TAL1: variants seen among roughly 807,000 people sequenced by gnomAD.
TAL1 encodes T-cell acute lymphocytic leukemia protein 1.
A neutral mutation model predicts 17.9 loss-of-function variants in TAL1; 8 were observed. The observed-to-expected ratio is 0.45, with a 90% confidence interval of 0.26 to 0.81. The LOEUF is 0.81. TAL1 is among the 30% of genes least tolerant of loss of function. The probability of loss-of-function intolerance (pLI) is 0.17; values close to 1 mark genes in which losing one functional copy is unlikely to be tolerated. For missense variants in TAL1, 466 were observed against 486.9 expected (o/e 0.96, Z 0.40); for synonymous variants, 223 against 218.6 (o/e 1.02, Z -0.18).
chr1:47,225,681 C>A, exon 2 of TAL1: 1 of 1,424,300 alleles, frequency 7.0e-7, no homozygotes. Flanking sequence ...TCTCTCGCGG[C>A]GCCGCCCCCA....
chr1:47,231,148 A>C (rs2148598018), upstream of TAL1: 1 of 173,392 alleles, frequency 5.8e-6, no homozygotes, highest in East Asian at 1.0e-4. Flanking sequence ...AGCCTGGAGG[A>C]GCCTCCCACT....
Position 47,219,894 on chromosome 1 carries a change from G to GGCGCCCCCCCCCCCCCCCCC in TAL1, c.821_822insGGGGGGGGGGGGGGGGGCGC (p.Ala275GlyfsTer177). 2.6e-6 allele frequency: 4 copies of GGCGCCCCCCCCCCCCCCCCC among 1,556,026 alleles called. No individual in the cohort carries two copies. The highest frequency in any genetic ancestry group is 2.6e-6 in the Non-Finnish European group (3 of 1,149,578). ...CTTGCAGGAGGTCATCTGGGGGCGCGCCGCCCCCTCCCCCACCTCCACCCC... is the reference window on the plus strand; with the variant it reads ...CTTGCAGGAGGTCATCTGGGGGCGCGGCGCCCCCCCCCCCCCCCCCCCGCCCCCTCCCCCACCTCCACCCC... On this transcript the variant is annotated frameshift_variant, in exon 4 of 4. Transcript: ENST00000294339. LOFTEE classifies it high-confidence loss of function.
intron 1 of TAL1, chr1:47,228,747 C>T (rs1034294069): frequency 1.9e-5 from 3 of 162,070 alleles, no homozygotes; most frequent in African/African-American, 7.2e-5. Flanking sequence ...ATCCTCGCCT[C>T]TACCGGAGAA....
At chr1:47,219,535 TG>T in exon 4 of TAL1, 1 of 936,298 alleles carries the variant, frequency 1.1e-6, no homozygotes, top group Non-Finnish European at 1.7e-6. Flanking sequence ...GATCTCCTAC[TG>T]GTACAGGAAA....
chr1:47,226,872 C>A (rs1314182613), intron 1 of TAL1, among the ~76,000 whole-genome samples: 4 of 152,330 alleles, frequency 2.6e-5, no homozygotes, highest in South Asian at 2.1e-4. Context: ...TTCCAGCCCC[C>A]CTCACCGCCA....
chr1:47,218,985 T>C, exon 4 of TAL1: 1 of 268,642 alleles, frequency 3.7e-6, no homozygotes, highest in Non-Finnish European at 7.3e-6. Context: ...CCGACAGGGC[T>C]TTCTCAGGGC....
upstream of TAL1, chr1:47,232,075 G>C (rs1414218274): frequency 1.3e-5 from 3 of 224,692 alleles, no homozygotes; most frequent in Non-Finnish European, 1.8e-5. Context: ...GACCTCTTTT[G>C]CGGACGTGGG....
exon 4 of TAL1, chr1:47,219,353 G>A (rs951211159): frequency 1.8e-6 from 1 of 554,834 alleles, no homozygotes; most frequent in Non-Finnish European, 3.4e-6. Context: ...ACTGCTGGAT[G>A]CCTCAGATGA....
chr1:47,224,830 C>T (rs1462530837), intron 2 of TAL1, among the ~76,000 whole-genome samples: 1 of 152,218 alleles, frequency 6.6e-6, no homozygotes, highest in Non-Finnish European at 1.5e-5. Flanking sequence ...AGCAGGGAAA[C>T]GGATGCCCTG....
exon 4 of TAL1, chr1:47,219,785 T>C (rs1645576724): frequency 6.2e-7 from 1 of 1,611,642 alleles, no homozygotes; most frequent in African/African-American, 1.3e-5. Flanking sequence ...GCCGTGTGCT[T>C]GGGCGCGGGC....
upstream of TAL1, chr1:47,232,028 C>T (rs1472841873): frequency 4.3e-6 from 1 of 232,090 alleles, no homozygotes; most frequent in African/African-American, 2.2e-5. Flanking sequence ...CACCGCCCCC[C>T]CCGGCCATCG....
exon 4 of TAL1, chr1:47,219,238 A>T (rs1051584062): frequency 6.8e-6 from 3 of 443,354 alleles, no homozygotes; most frequent in African/African-American, 3.9e-5. Context: ...CTGGGTGAAG[A>T]TGGGGCTCAC....
chr1:47,225,591 C>A (rs982898955), exon 2 of TAL1: 2 of 1,291,744 alleles, frequency 1.5e-6, no homozygotes, highest in African/African-American at 1.6e-5. Context: ...GGGGCCGGGG[C>A]GGGCCCGGGA....
At chr1:47,231,616 C>T (rs1045309253), upstream of TAL1, 17 of 233,710 alleles carry the variant, frequency 7.3e-5, no homozygotes, top group African/African-American at 3.3e-4. Context: ...AACGACGACA[C>T]CACCCAAACA....
chr1:47,224,188 C>T (rs981974090), intron 2 of TAL1, 90 bp from the exon 4 acceptor site: 4 of 1,302,020 alleles, frequency 3.1e-6, no homozygotes, highest in South Asian at 1.2e-5. Context: ...ATGTCTTGAG[C>T]CCCCCACCTC....
At chr1:47,230,910 C>T (rs1002990022), upstream of TAL1, 16 of 152,200 alleles carry the variant, frequency 1.1e-4, no homozygotes, top group African/African-American at 3.9e-4. Flanking sequence ...CGTCGCTCAC[C>T]CGAAGAGGGG....
intron 3 of TAL1, chr1:47,223,320 G>A (rs914076606): frequency 2.0e-5 from 3 of 152,262 alleles, no homozygotes; most frequent in Admixed American, 6.5e-5. Flanking sequence ...GAAAGATGGC[G>A]AGGGTCTTCC....
At chr1:47,231,348 C>T (rs1237861670), upstream of TAL1, 9 of 192,486 alleles carry the variant, frequency 4.7e-5, no homozygotes, top group East Asian at 6.5e-4. Context: ...CTCGCTCGCC[C>T]TCCCCCCACT....
chr1:47,217,699 T>C, exon 4 of TAL1: 1 of 398,614 alleles, frequency 2.5e-6, no homozygotes, highest in African/African-American at 2.1e-5. Flanking sequence ...GCCAGAAGTT[T>C]GAGTTCTTAA....
Sources: gnomAD v4.1 joint callset for allele counts (sites outside exome capture counted in the v4.1 genomes callset) on GRCh38, gnomAD v4.1.1 for gene constraint, MANE v1.5 for transcripts, NCBI Gene and HGNC (gene_info 2026-07-23, HGNC 2026-07-21) for gene names.